SLC14A2: variants seen among roughly 807,000 people sequenced by gnomAD.
SLC14A2 encodes the protein urea transporter 2.
In SLC14A2, 91 loss-of-function variants were observed where a neutral mutation model predicts 104.6. The observed-to-expected ratio is 0.87, with a 90% CI of 0.73 to 1.04. The LOEUF is 1.04. Among genes scored for constraint, SLC14A2 ranks in the 50% least tolerant of loss-of-function variants. The pLI, the probability that SLC14A2 is intolerant of heterozygous loss-of-function variation, is 0.00. For synonymous variants in SLC14A2, 476 were observed against 466.4 expected, an observed-to-expected ratio of 1.02 and a Z score of -0.27; for missense variants, 1,189 against 1,156.0, an observed-to-expected ratio of 1.03 and a Z score of -0.41.
At chr18:45,616,890 G>A (rs973273632) in intron 1 of SLC14A2, among the ~76,000 whole-genome samples, 2 of 152,076 alleles carry the variant, frequency 1.3e-5, no homozygotes, top group African/African-American at 4.8e-5. Flanking sequence ...CTGAGCTCAG[G>A]AGTCTGAGAC....
the SLC14A2 span, chr18:45,169,093 C>T: frequency 6.6e-6 from 1 of 152,122 alleles, no homozygotes; most frequent in Non-Finnish European, 1.5e-5. Context: ...GAGTTTGACT[C>T]ACTGAGAGAT....
chr18:45,403,157 C>T (rs2086114429), intron 1 of SLC14A2, among the ~76,000 whole-genome samples: 1 of 152,204 alleles, frequency 6.6e-6, no homozygotes, highest in African/African-American at 2.4e-5. Flanking sequence ...GCTGCCTTCT[C>T]ACCATGTCCT....
intron 2 of SLC14A2, among the ~76,000 whole-genome samples, chr18:45,575,437 C>T (rs577799229): frequency 6.6e-5 from 10 of 152,308 alleles, no homozygotes; most frequent in African/African-American, 2.4e-4. Flanking sequence ...ACAAAGCATC[C>T]TACAGGGTTT....
upstream of SLC14A2, among the ~76,000 whole-genome samples, chr18:45,211,585 T>G (rs755414127): frequency 6.6e-6 from 1 of 152,174 alleles, no homozygotes; most frequent in Non-Finnish European, 1.5e-5. Flanking sequence ...CTTTCCTCCT[T>G]CTTACTCTCC....
intron 1 of SLC14A2, among the ~76,000 whole-genome samples, chr18:45,319,908 T>G (rs1443960556): frequency 2.0e-5 from 3 of 152,340 alleles, no homozygotes; most frequent in Non-Finnish European, 4.4e-5. Flanking sequence ...TGAGCTTTTT[T>G]TCTATGACAT....
chr18:45,375,076 T>A (rs1340764596), intron 1 of SLC14A2, among the ~76,000 whole-genome samples: 1 of 152,248 alleles, frequency 6.6e-6, no homozygotes, highest in Admixed American at 6.5e-5. Context: ...TCCATCTTGC[T>A]TCTAACCTTT....
intron 2 of SLC14A2, among the ~76,000 whole-genome samples, chr18:45,561,475 A>G (rs1460218863): frequency 7.2e-5 from 11 of 152,154 alleles, no homozygotes; most frequent in Non-Finnish European, 1.5e-4. Context: ...CTCACTGCAA[A>G]TGAGGCTGGG....
intron 2 of SLC14A2, among the ~76,000 whole-genome samples, chr18:45,573,542 A>G (rs1467167806): frequency 1.3e-5 from 2 of 152,258 alleles, no homozygotes; most frequent in Non-Finnish European, 2.9e-5. Flanking sequence ...AGGCCAAAAT[A>G]TCAATATGTT....
chr18:45,288,085 T>C (rs1430478486), intron 1 of SLC14A2, among the ~76,000 whole-genome samples: 1 of 152,190 alleles, frequency 6.6e-6, no homozygotes, highest in Non-Finnish European at 1.5e-5. Context: ...TCCAGAAATA[T>C]TTATTTCATA....
intron 2 of SLC14A2, among the ~76,000 whole-genome samples, chr18:45,538,623 G>C (rs1598978320): frequency 6.6e-6 from 1 of 152,180 alleles, no homozygotes; most frequent in South Asian, 2.1e-4. Context: ...AAGAAAGAGG[G>C]AAGAAGACAG....
At chr18:45,461,343 G>C (rs952159524) in intron 1 of SLC14A2, among the ~76,000 whole-genome samples, 7 of 152,172 alleles carry the variant, frequency 4.6e-5, no homozygotes, top group South Asian at 2.1e-4. Flanking sequence ...GATGAACCTA[G>C]GTGGATAGGA....
At chr18:45,281,711 A>G (rs1465340305) in intron 1 of SLC14A2, among the ~76,000 whole-genome samples, 1 of 152,224 alleles carries the variant, frequency 6.6e-6, no homozygotes, top group African/African-American at 2.4e-5. Context: ...AGGCCACTTA[A>G]TGGCTAAGGA....
At chr18:45,392,904 C>G (rs550836557) in intron 1 of SLC14A2, among the ~76,000 whole-genome samples, 18 of 152,184 alleles carry the variant, frequency 1.2e-4, no homozygotes, top group Non-Finnish European at 2.2e-4. Flanking sequence ...AATAATTTGA[C>G]TGGACTCCCT....
At chr18:45,500,625 G>A (rs2043183858) in intron 2 of SLC14A2, among the ~76,000 whole-genome samples, 1 of 151,462 alleles carries the variant, frequency 6.6e-6, no homozygotes. Context: ...TGACGCATGA[G>A]TGTGTTAGTA....
At chr18:45,220,374 C>T (rs1475635079) in intron 1 of SLC14A2, among the ~76,000 whole-genome samples, 3 of 152,216 alleles carry the variant, frequency 2.0e-5, no homozygotes, top group Non-Finnish European at 4.4e-5. Context: ...TTACTACGCA[C>T]AGACTAAAAG....
At chr18:45,381,640 G>C (rs1284842741) in intron 1 of SLC14A2, among the ~76,000 whole-genome samples, 1 of 152,186 alleles carries the variant, frequency 6.6e-6, no homozygotes, top group African/African-American at 2.4e-5. Context: ...CATAGGAATA[G>C]ACTGACTGGG....
At chr18:45,325,034 C>A (rs2085221277) in intron 1 of SLC14A2, among the ~76,000 whole-genome samples, 1 of 152,170 alleles carries the variant, frequency 6.6e-6, no homozygotes, top group Non-Finnish European at 1.5e-5. Context: ...CATTACCTCG[C>A]AGCAAGCCAG....
At chr18:45,276,102 T>C (rs958673155) in intron 1 of SLC14A2, among the ~76,000 whole-genome samples, 1 of 152,178 alleles carries the variant, frequency 6.6e-6, no homozygotes, top group Admixed American at 6.6e-5. Flanking sequence ...TGGCTGCTTG[T>C]GGGCAGTGGG....
In SLC14A2 at chr18:45,642,881, G is replaced by A. The variant is rs546954289; in HGVS notation, c.1127-251G>A. 5.9e-5 allele frequency among the ~76,000 whole-genome samples: 9 copies of A among 152,372 alleles called. No individual in the cohort carries two copies. In the South Asian group the frequency reaches 6.2e-4, roughly 11 times the overall value. ...AAGGCCACTATGGAAGCAGGGAGGG[G>A]ACAAAAGGAAATATATGTTTTAATC... On this transcript the variant is annotated intron_variant, in intron 8 of 19. Transcript: ENST00000255226.
Sources: gnomAD v4.1 joint callset for allele counts (sites outside exome capture counted in the v4.1 genomes callset) on GRCh38, gnomAD v4.1.1 for gene constraint, MANE v1.5 for transcripts, NCBI Gene and HGNC (gene_info 2026-07-23, HGNC 2026-07-21) for gene names.